SLC8A1: variants seen among roughly 807,000 people sequenced by gnomAD.
The protein encoded by SLC8A1 is sodium/calcium exchanger 1.
A neutral mutation model predicts 68.3 loss-of-function variants in SLC8A1; 18 were observed. The ratio of observed to expected loss-of-function variants is 0.26; its 90% CI spans 0.18 to 0.39. The LOEUF is 0.39. Among genes scored for constraint, SLC8A1 ranks in the 10% least tolerant of loss-of-function variants. SLC8A1 has a pLI of 1.00. For synonymous variants in SLC8A1, 475 were observed against 415.5 expected, an observed-to-expected ratio of 1.14 and a Z score of -1.74; for missense variants, 985 against 1,156.7, an observed-to-expected ratio of 0.85 and a Z score of 2.15.
intron 1 of SLC8A1, among the ~76,000 whole-genome samples, chr2:40,471,688 C>G (rs953689303): frequency 6.6e-6 from 1 of 151,960 alleles, no homozygotes; most frequent in South Asian, 2.1e-4. Context: ...TTCATGTAAC[C>G]CAAGGAAATA....
chr2:40,137,773 CT>C (rs1308795324), intron 7 of SLC8A1, among the ~76,000 whole-genome samples: 2 of 152,114 alleles, frequency 1.3e-5, no homozygotes, highest in African/African-American at 4.8e-5. Context: ...AACTGAACGA[CT>C]TCAAACAGCC....
At chr2:40,290,496 G>C (rs1052381704) in intron 2 of SLC8A1, among the ~76,000 whole-genome samples, 12 of 152,158 alleles carry the variant, frequency 7.9e-5, no homozygotes, top group Admixed American at 3.3e-4. Flanking sequence ...GCAGAGTCTG[G>C]GCCAGATTTA....
At position 40,181,045 on chromosome 2, in the gene SLC8A1, C is replaced by T. The variant is rs186327912; in HGVS notation, c.1809-3190G>A. ...TGTGATCTCGGCTTACTGCAACCTCCGCCTCCCAGGTTCAAGCGATTCCCC... is the reference window on the plus strand; with the variant it reads ...TGTGATCTCGGCTTACTGCAACCTCTGCCTCCCAGGTTCAAGCGATTCCCC... On this transcript the variant is annotated intron_variant, in intron 2 of 7. Transcript: ENST00000406785. 5.9e-3 allele frequency among the ~76,000 whole-genome samples: 897 copies of T among 151,616 alleles called. 10 individuals carry two copies. The highest frequency in any genetic ancestry group is 0.02 in the African/African-American group (822 of 41,380).
chr2:40,164,192 G>A (rs1293775439), intron 5 of SLC8A1, among the ~76,000 whole-genome samples: 1 of 151,860 alleles, frequency 6.6e-6, no homozygotes, highest in Non-Finnish European at 1.5e-5. Context: ...GGATCAACAG[G>A]AAATTTCACT....
chr2:40,106,012 T>C (rs17558542), exon 8 of SLC8A1: 15,297 of 152,240 alleles, frequency 0.1, 1,024 homozygotes, highest in Non-Finnish European at 0.14. Flanking sequence ...ATGAATCCCA[T>C]GTCTCAATAA....
intron 2 of SLC8A1, among the ~76,000 whole-genome samples, chr2:40,388,974 C>G (rs906472244): frequency 1.3e-5 from 2 of 151,986 alleles, no homozygotes; most frequent in South Asian, 4.1e-4. Context: ...GTTTAGGAAA[C>G]GTAAGTGTTC....
intron 2 of SLC8A1, among the ~76,000 whole-genome samples, chr2:40,328,976 C>A (rs554802688): frequency 2.0e-5 from 3 of 151,846 alleles, no homozygotes; most frequent in Non-Finnish European, 2.9e-5. Context: ...AAAGCCCAAT[C>A]CAGACACATT....
intron 1 of SLC8A1, among the ~76,000 whole-genome samples, chr2:40,481,958 T>G (rs1022911049): frequency 6.6e-6 from 1 of 152,174 alleles, no homozygotes; most frequent in Non-Finnish European, 1.5e-5. Context: ...AGTTCAAGTT[T>G]TAAGGCACAT....
At chr2:40,161,354 C>T (rs1406694807) in intron 5 of SLC8A1, among the ~76,000 whole-genome samples, 2 of 152,188 alleles carry the variant, frequency 1.3e-5, no homozygotes, top group Non-Finnish European at 2.9e-5. Context: ...AGGTTGCCTG[C>T]TGCATGGTCA....
intron 2 of SLC8A1, among the ~76,000 whole-genome samples, chr2:40,240,783 C>G (rs1006100598): frequency 6.6e-6 from 1 of 152,124 alleles, no homozygotes; most frequent in African/African-American, 2.4e-5. Flanking sequence ...GAGACTGAGG[C>G]AGGAGGATTG....
chr2:40,476,814 A>T (rs993550329), intron 1 of SLC8A1, among the ~76,000 whole-genome samples: 5 of 152,194 alleles, frequency 3.3e-5, no homozygotes, highest in African/African-American at 1.2e-4. Context: ...GAGTGCAAAA[A>T]GCCATTGGCA....
At position 40,428,182 on chromosome 2, in the gene SLC8A1, T is replaced by C. The variant is rs140276216; in HGVS notation, c.1808+291A>G. Among the ~76,000 whole-genome samples the C allele has an allele frequency of 8.4e-3, 1,275 of 152,226 alleles. 11 individuals carry two copies. Among genetic ancestry groups the C allele is most frequent in the South Asian group, 0.018 (88 of 4,824 alleles). On this transcript the variant is annotated intron_variant, in intron 2 of 7. Coordinates refer to ENST00000406785, the Ensembl canonical transcript of SLC8A1. The stretch of plus-strand genomic sequence containing the variant: ...GCCTGTCTTAAGTCATCTGATAAAC[T>C]GTGTCCCATCACTCATTTTATCATA...
intron 2 of SLC8A1, among the ~76,000 whole-genome samples, chr2:40,425,434 T>C (rs942984856): frequency 2.0e-5 from 3 of 151,934 alleles, no homozygotes; most frequent in Admixed American, 6.6e-5. Context: ...CTTGATCAGA[T>C]TGGACCTTAT....
chr2:40,234,499 G>A (rs1345953866), intron 2 of SLC8A1, among the ~76,000 whole-genome samples: 1 of 152,050 alleles, frequency 6.6e-6, no homozygotes, highest in Non-Finnish European at 1.5e-5. Context: ...GAGATTTTGG[G>A]CTGAGACAAT....
chr2:40,309,953 C>G (rs2073379726), intron 2 of SLC8A1, among the ~76,000 whole-genome samples: 2 of 152,064 alleles, frequency 1.3e-5, no homozygotes, highest in African/African-American at 4.8e-5. Flanking sequence ...CAAAAGAAAC[C>G]CTGTACCAAT....
At chr2:40,159,376 T>A (rs553168823) in intron 6 of SLC8A1, among the ~76,000 whole-genome samples, 8 of 152,208 alleles carry the variant, frequency 5.3e-5, no homozygotes, top group Non-Finnish European at 8.8e-5. Context: ...ATGGTTGTTA[T>A]ACAAATGCTC....
intron 2 of SLC8A1, among the ~76,000 whole-genome samples, chr2:40,328,764 G>A (rs931666947): frequency 1.3e-5 from 2 of 151,998 alleles, no homozygotes; most frequent in African/African-American, 2.4e-5. Context: ...CAGCTTCCCA[G>A]TGACTTCCAA....
At chr2:40,435,379 G>A (rs1017182161) in intron 1 of SLC8A1, among the ~76,000 whole-genome samples, 9 of 151,640 alleles carry the variant, frequency 5.9e-5, no homozygotes, top group Non-Finnish European at 8.8e-5. Context: ...CCTGGCTCCA[G>A]CCTCAGGCTA....
chr2:40,440,068 G>A (rs556625199), intron 1 of SLC8A1, among the ~76,000 whole-genome samples: 1 of 152,216 alleles, frequency 6.6e-6, no homozygotes, highest in East Asian at 1.9e-4. Flanking sequence ...GGGAGTGTTG[G>A]TGACATGGGA....
Sources: allele counts gnomAD v4.1 joint callset (sites outside exome capture counted in the v4.1 genomes callset), GRCh38; gene constraint gnomAD v4.1.1; transcripts MANE v1.5; gene names NCBI Gene and HGNC (gene_info 2026-07-23, HGNC 2026-07-21).